Variants in HS6ST2 observed in about 807,000 individuals in gnomAD.
HS6ST2 encodes the protein heparan-sulfate 6-O-sulfotransferase 2.
A neutral mutation model predicts 33.0 loss-of-function variants in HS6ST2; 17 were observed. The ratio of observed to expected loss-of-function variants is 0.52; its 90% confidence interval spans 0.35 to 0.77. The LOEUF is 0.77. Ranked by LOEUF, HS6ST2 falls within the 30% of genes least tolerant of loss-of-function variation. HS6ST2 has a pLI of 0.01. For missense variants in HS6ST2, 519 were observed against 551.7 expected, an observed-to-expected ratio of 0.94 and a Z score of 0.59; for synonymous variants, 248 against 237.1, an observed-to-expected ratio of 1.05 and a Z score of -0.42.
chrX:132,648,884 G>T (rs1348496890), intron 4 of HS6ST2, among the ~76,000 whole-genome samples: 2 of 111,847 alleles, frequency 1.8e-5, no homozygotes, highest in East Asian at 2.8e-4. Flanking sequence ...CTGGGAGGAG[G>T]TTCTCAGAGC....
At chrX:132,716,589 G>A (rs185107889) in intron 2 of HS6ST2, among the ~76,000 whole-genome samples, 1 of 111,851 alleles carries the variant, frequency 8.9e-6, no homozygotes, top group Non-Finnish European at 1.9e-5. Flanking sequence ...TTCTCCAAAC[G>A]CAAGCACCTG....
intron 4 of HS6ST2, among the ~76,000 whole-genome samples, chrX:132,654,321 C>T (rs978159647): frequency 6.3e-5 from 7 of 110,895 alleles, no homozygotes; most frequent in African/African-American, 2.3e-4. Context: ...GTCAATCATA[C>T]TTCAATCAAC....
At chrX:132,816,373 T>C (rs2065395180) in intron 2 of HS6ST2, among the ~76,000 whole-genome samples, 1 of 112,108 alleles carries the variant, frequency 8.9e-6, no homozygotes, top group Non-Finnish European at 1.9e-5. Flanking sequence ...CACGAACAGA[T>C]TAAACTAGTC....
chrX:132,629,484 A>C, intron 4 of HS6ST2, among the ~76,000 whole-genome samples: 1 of 111,515 alleles, frequency 9.0e-6, no homozygotes, highest in Admixed American at 9.5e-5. Flanking sequence ...CCCACTCTAA[A>C]CCATTTAGTG....
intron 2 of HS6ST2, among the ~76,000 whole-genome samples, chrX:132,783,936 A>G (rs1012007070): frequency 7.2e-5 from 8 of 111,853 alleles, no homozygotes; most frequent in Non-Finnish European, 1.5e-4. Flanking sequence ...GGGTTGCCAA[A>G]AATATTCGCC....
chrX:132,654,517 C>T (rs1396453564), intron 4 of HS6ST2, among the ~76,000 whole-genome samples: 1 of 111,678 alleles, frequency 9.0e-6, no homozygotes, highest in African/African-American at 3.3e-5. Flanking sequence ...CCAAAATCCT[C>T]AACAAAATGC....
At chrX:132,864,993 A>G (rs1310198387) in intron 2 of HS6ST2, among the ~76,000 whole-genome samples, 1 of 110,693 alleles carries the variant, frequency 9.0e-6, no homozygotes, top group Non-Finnish European at 1.9e-5. Context: ...TATTATTATT[A>G]TACTTTAAAT....
chrX:132,741,810 A>T (rs1245461148), intron 2 of HS6ST2, among the ~76,000 whole-genome samples: 1 of 111,653 alleles, frequency 9.0e-6, no homozygotes, highest in Non-Finnish European at 1.9e-5. Context: ...TATAATACTC[A>T]TTAAGACCCT....
intron 2 of HS6ST2, among the ~76,000 whole-genome samples, chrX:132,765,895 T>C (rs142305412): frequency 0.012 from 1,386 of 112,117 alleles, 25 homozygotes; most frequent in African/African-American, 0.043. Flanking sequence ...CTTTTTAAGT[T>C]TAGGAAACCA....
chrX:132,745,804 G>A (rs2064633726), intron 2 of HS6ST2, among the ~76,000 whole-genome samples: 1 of 112,016 alleles, frequency 8.9e-6, no homozygotes, highest in Admixed American at 9.5e-5. Context: ...CATCTAGAGA[G>A]TGTTTCCAAG....
At chrX:132,804,791 C>A (rs892946353) in intron 2 of HS6ST2, among the ~76,000 whole-genome samples, 5 of 111,123 alleles carry the variant, frequency 4.5e-5, no homozygotes, top group African/African-American at 1.6e-4. Flanking sequence ...AGAACAAGAA[C>A]CTATGTCAAA....
intron 2 of HS6ST2, among the ~76,000 whole-genome samples, chrX:132,858,431 G>A (rs1308252605): frequency 8.9e-6 from 1 of 112,201 alleles, no homozygotes; most frequent in Non-Finnish European, 1.9e-5. Context: ...TTTTCAAAGT[G>A]CTTTCAGTTT....
chrX:132,957,017 C>T lies in HS6ST2; in HGVS notation c.738G>A (p.Leu246=), dbSNP rs761981888. 2.5e-6 allele frequency: 3 copies of T among 1,210,413 alleles called. No individual in the cohort carries two copies. The highest frequency in any genetic ancestry group is 3.4e-6 in the Non-Finnish European group (3 of 895,176). The stretch of plus-strand genomic sequence containing the variant: ...GCTGCTCCAGCTGGATGTTACGCAC[C>T]AAGTGGCGGCCGAAAGTGGTGCCCC... ...KTGGTTFGRH[L]VRNIQLEQPC... is the part of the protein sequence containing the mutation. The change falls in exon 2 of 5, where the codon TTG becomes TTA. Residue 246 remains leucine, a synonymous_variant. Coordinates refer to ENST00000370833, the MANE Select transcript of HS6ST2 (RefSeq NM_001394073.1).
At chrX:132,700,356 G>T (rs2064135228) in intron 3 of HS6ST2, among the ~76,000 whole-genome samples, 1 of 111,053 alleles carries the variant, frequency 9.0e-6, no homozygotes, top group African/African-American at 3.3e-5. Context: ...AAAGTGAAGG[G>T]ACAGGAAGCT....
At chrX:132,828,691 TATACACACAC>T (rs2065552268) in intron 2 of HS6ST2, among the ~76,000 whole-genome samples, 1 of 56,350 alleles carries the variant, frequency 1.8e-5, no homozygotes, top group Admixed American at 1.7e-4. Context: ...TATATATATA[TATACACACAC>T]ACACACACAC....
rs975769328 is a variant in HS6ST2 at position 132,727,240 on chromosome X, G to T, written c.948-18746C>A. Among the ~76,000 whole-genome samples the T allele has an allele frequency of 2.1e-4, 21 of 102,374 alleles. No individual in the cohort carries two copies. The East Asian group carries it at 4.2e-3, about 21-fold the overall frequency. 88.9% of individuals were successfully genotyped at this position (102,374 alleles called of 115,157 possible). A position where few individuals can be genotyped will look rare whatever the true frequency, so the allele number is the denominator to read the frequency against. On this transcript the variant is annotated intron_variant, in intron 2 of 4. Coordinates refer to ENST00000370833, the MANE Select transcript of HS6ST2 (RefSeq NM_001394073.1). ...TAGAACTATTACTAGCATTATTGGG[G>T]GGGGGGGCATAGAGATGAATAAAGA... is the stretch of plus-strand genomic sequence containing the variant.
At chrX:132,852,963 C>A (rs780106982) in intron 2 of HS6ST2, among the ~76,000 whole-genome samples, 29 of 111,769 alleles carry the variant, frequency 2.6e-4, no homozygotes, top group Non-Finnish European at 3.9e-4. Context: ...TGTTTATAGC[C>A]AGCTGCCAAT....
At chrX:132,878,593 T>C (rs1463703764) in intron 2 of HS6ST2, among the ~76,000 whole-genome samples, 1 of 112,361 alleles carries the variant, frequency 8.9e-6, no homozygotes, top group Non-Finnish European at 1.9e-5. Context: ...TTTTTTCTTT[T>C]TCTTTTTAAT....
chrX:132,719,263 G>A (rs772157032), intron 2 of HS6ST2, among the ~76,000 whole-genome samples: 97 of 112,020 alleles, frequency 8.7e-4, no homozygotes, highest in Non-Finnish European at 1.6e-3. Flanking sequence ...GAGAGAAAGG[G>A]ACTCAACCAA....
Sources: gnomAD v4.1 joint callset for allele counts (sites outside exome capture counted in the v4.1 genomes callset) on GRCh38, gnomAD v4.1.1 for gene constraint, MANE v1.5 for transcripts, NCBI Gene and HGNC (gene_info 2026-07-23, HGNC 2026-07-21) for gene names.